DTWD2: variants seen among roughly 807,000 people sequenced by gnomAD.
DTWD2 encodes the protein DTW motif tRNA-uridine aminocarboxypropyltransferase 2.
Under a neutral mutation model 31.8 loss-of-function variants are expected in DTWD2, and 39 were observed. The observed-to-expected ratio is 1.22, with a 90% CI of 0.95 to 1.60. The LOEUF (loss-of-function observed/expected upper bound fraction) is 1.60, where lower values mean the gene tolerates loss of function less well. Among genes scored for constraint, DTWD2 ranks in the 40% most tolerant of loss-of-function variants. DTWD2 has a pLI of 0.00. For synonymous variants in DTWD2, 180 were observed against 142.8 expected (o/e 1.26, Z -1.86); for missense variants, 515 against 381.5 (o/e 1.35, Z -2.92).
chr5:118,871,530 C>A (rs1259016788), intron 4 of DTWD2, among the ~76,000 whole-genome samples: 1 of 152,166 alleles, frequency 6.6e-6, no homozygotes, highest in Non-Finnish European at 1.5e-5. Flanking sequence ...GACGTTGTAT[C>A]AGCAGGAGTG....
chr5:118,841,210 G>C, intron 5 of DTWD2, 123 bp from the exon 6 acceptor site: 1 of 980,112 alleles, frequency 1.0e-6, no homozygotes, highest in Admixed American at 2.9e-5. Context: ...TTAACTATGA[G>C]AAACACTAGG....
intron 1 of DTWD2, among the ~76,000 whole-genome samples, chr5:118,967,748 T>C (rs960672556): frequency 6.6e-6 from 1 of 152,080 alleles, no homozygotes; most frequent in Admixed American, 6.6e-5. Flanking sequence ...TATAGAAACA[T>C]TCCAATCAAT....
At chr5:118,861,613 C>G (rs1038855329) in intron 4 of DTWD2, among the ~76,000 whole-genome samples, 6 of 152,190 alleles carry the variant, frequency 3.9e-5, no homozygotes, top group African/African-American at 1.4e-4. Context: ...CTCACTATTT[C>G]TCAGTATTTT....
chr5:118,847,688 C>G (rs985684541), intron 5 of DTWD2, among the ~76,000 whole-genome samples: 1 of 150,620 alleles, frequency 6.6e-6, no homozygotes, highest in Non-Finnish European at 1.5e-5. Flanking sequence ...TATACGGCAC[C>G]AAGGCAAAAA....
At chr5:118,983,996 C>T (rs1349828364) in intron 1 of DTWD2, among the ~76,000 whole-genome samples, 1 of 151,648 alleles carries the variant, frequency 6.6e-6, no homozygotes, top group Non-Finnish European at 1.5e-5. Flanking sequence ...ACTAACAATA[C>T]AAAACCTAGG....
At chr5:118,931,764 T>C (rs1196687704) in intron 3 of DTWD2, among the ~76,000 whole-genome samples, 1 of 152,152 alleles carries the variant, frequency 6.6e-6, no homozygotes, top group Non-Finnish European at 1.5e-5. Flanking sequence ...TATAGAATAG[T>C]CCACCAACAA....
rs186970410 is a variant in DTWD2 at position 118,859,773 on chromosome 5, T to C, written c.598-11555A>G. Among the ~76,000 whole-genome samples, 329 of 152,332 alleles carry C rather than the reference T, an allele frequency of 2.2e-3. 1 individual carries two copies. Among genetic ancestry groups the C allele is most frequent in the African/African-American group, 7.1e-3 (294 of 41,574 alleles). Reference sequence around the variant, plus strand: ...TTTCCTCCCTCATAGGTAACATTTTTGGTTTGCCTGACTACCACTTTTTTA... The same window carrying C: ...TTTCCTCCCTCATAGGTAACATTTTCGGTTTGCCTGACTACCACTTTTTTA... On this transcript the variant is annotated intron_variant, in intron 4 of 5. Transcript: ENST00000510708.
intron 1 of DTWD2, among the ~76,000 whole-genome samples, chr5:118,966,203 T>C (rs1443157330): frequency 6.6e-6 from 1 of 152,218 alleles, no homozygotes; most frequent in African/African-American, 2.4e-5. Context: ...TTCCTAGATG[T>C]ACAGTGGGAT....
chr5:118,843,949 T>G (rs1188535055), intron 5 of DTWD2, among the ~76,000 whole-genome samples: 1 of 152,234 alleles, frequency 6.6e-6, no homozygotes, highest in African/African-American at 2.4e-5. Context: ...ACGTGTCACC[T>G]TAGGGCAGAA....
intron 4 of DTWD2, among the ~76,000 whole-genome samples, chr5:118,858,989 C>T (rs927882124): frequency 2.0e-5 from 3 of 152,120 alleles, no homozygotes; most frequent in Non-Finnish European, 4.4e-5. Context: ...TTATGAAGTA[C>T]ATAATGTCTG....
At chr5:118,958,003 T>C (rs1215012495) in intron 1 of DTWD2, among the ~76,000 whole-genome samples, 3 of 152,180 alleles carry the variant, frequency 2.0e-5, no homozygotes. Flanking sequence ...AAAATAAGCC[T>C]ATCTATTAAA....
intron 3 of DTWD2, among the ~76,000 whole-genome samples, chr5:118,931,437 T>A (rs1416882254): frequency 7.2e-6 from 1 of 138,420 alleles, no homozygotes; most frequent in Non-Finnish European, 1.6e-5. Context: ...CAGTCTGCAA[T>A]AGCTATATAA....
intron 1 of DTWD2, among the ~76,000 whole-genome samples, chr5:118,967,816 T>G (rs1042745871): frequency 2.0e-5 from 3 of 152,148 alleles, no homozygotes; most frequent in African/African-American, 7.2e-5. Flanking sequence ...TAGCCATAAT[T>G]GTTGCAGACA....
intron 1 of DTWD2, among the ~76,000 whole-genome samples, chr5:118,980,014 A>C (rs1443653712): frequency 6.6e-6 from 1 of 152,230 alleles, no homozygotes; most frequent in Non-Finnish European, 1.5e-5. Flanking sequence ...TTGAAAAGAA[A>C]AATAGTACTG....
chr5:118,970,366 G>T (rs1754956580), intron 1 of DTWD2, among the ~76,000 whole-genome samples: 1 of 152,208 alleles, frequency 6.6e-6, no homozygotes. Context: ...GGTGGAGATT[G>T]CAGTGAACCA....
chr5:118,930,780 A>T (rs949688461), intron 3 of DTWD2, among the ~76,000 whole-genome samples: 9 of 152,352 alleles, frequency 5.9e-5, no homozygotes, highest in Middle Eastern at 3.4e-3. Flanking sequence ...GGAATATCAG[A>T]TATCAAATAT....
At chr5:118,938,469 C>T (rs1754094812) in intron 3 of DTWD2, among the ~76,000 whole-genome samples, 1 of 152,174 alleles carries the variant, frequency 6.6e-6, no homozygotes, top group African/African-American at 2.4e-5. Flanking sequence ...TCATCATGTA[C>T]TCTAACAAAA....
At chr5:118,868,629 G>A (rs1303393899) in intron 4 of DTWD2, among the ~76,000 whole-genome samples, 1 of 152,070 alleles carries the variant, frequency 6.6e-6, no homozygotes, top group African/African-American at 2.4e-5. Context: ...CTTGAATCCA[G>A]GAGTTTGAGA....
chr5:118,957,806 G>A (rs2442123), intron 1 of DTWD2, among the ~76,000 whole-genome samples: 3 of 151,870 alleles, frequency 2.0e-5, no homozygotes, highest in Non-Finnish European at 4.4e-5. Flanking sequence ...AATCTCACCC[G>A]AAATATATAT....
Sources: allele counts gnomAD v4.1 joint callset (sites outside exome capture counted in the v4.1 genomes callset), GRCh38; gene constraint gnomAD v4.1.1; transcripts MANE v1.5; gene names NCBI Gene and HGNC (gene_info 2026-07-23, HGNC 2026-07-21).